The following CCNI variants were observed in gnomAD, a reference collection of about 807,000 sequenced individuals.
CCNI encodes cyclin I, also known as cyclin-I.
A neutral mutation model predicts 34.1 loss-of-function variants in CCNI; 14 were observed. The ratio of observed to expected loss-of-function variants is 0.41; its 90% CI spans 0.27 to 0.64. The LOEUF (loss-of-function observed/expected upper bound fraction) is 0.64. CCNI is among the 30% of genes least tolerant of loss of function. The pLI, the probability that CCNI is intolerant of heterozygous loss-of-function variation, is 0.31. For missense variants in CCNI, 385 were observed against 440.5 expected, an observed-to-expected ratio of 0.87 and a Z score of 1.13; for synonymous variants, 154 against 158.4, an observed-to-expected ratio of 0.97 and a Z score of 0.21.
chr4:77,072,723 T>C (rs1285756340), intron 1 of CCNI, among the ~76,000 whole-genome samples: 1 of 147,738 alleles, frequency 6.8e-6, no homozygotes, highest in Non-Finnish European at 1.5e-5. Context: ...AGGAGACAAA[T>C]GGTGTAAAGG....
chr4:77,054,454 G>GT (rs546919102), intron 6 of CCNI, among the ~76,000 whole-genome samples: 3 of 152,114 alleles, frequency 2.0e-5, no homozygotes, highest in Non-Finnish European at 4.4e-5. Flanking sequence ...TCTAAACTCG[G>GT]TAAGTTCTAT....
intron 3 of CCNI, 129 bp from the exon 4 acceptor site, chr4:77,056,452 A>G: frequency 1.5e-6 from 1 of 655,072 alleles, no homozygotes; most frequent in Non-Finnish European, 2.8e-6. Context: ...GAATTCAATT[A>G]ATGTGACTGC....
chr4:77,052,431 G>A (rs958521286), intron 6 of CCNI, among the ~76,000 whole-genome samples: 1 of 152,148 alleles, frequency 6.6e-6, no homozygotes, highest in Non-Finnish European at 1.5e-5. Flanking sequence ...GCTAAGGAGA[G>A]AAAGAGGTTT....
At chr4:77,074,872 C>G (rs1258543465) in intron 1 of CCNI, 1 of 152,172 alleles carries the variant, frequency 6.6e-6, no homozygotes, top group African/African-American at 2.4e-5. Flanking sequence ...CTAGCTCCAG[C>G]GGAGGCTCCT....
intron 6 of CCNI, among the ~76,000 whole-genome samples, chr4:77,051,319 T>G (rs955572961): frequency 6.6e-6 from 1 of 152,214 alleles, no homozygotes; most frequent in Non-Finnish European, 1.5e-5. Context: ...CCACAAATAT[T>G]CTAATGCCTT....
At chr4:77,063,418 G>A (rs1728761907) in intron 2 of CCNI, among the ~76,000 whole-genome samples, 1 of 150,844 alleles carries the variant, frequency 6.6e-6, no homozygotes, top group Non-Finnish European at 1.5e-5. Context: ...TAGAGAAGGT[G>A]CTGGGTGCGG....
chr4:77,072,613 G>T (rs996749605), intron 1 of CCNI, among the ~76,000 whole-genome samples: 5 of 145,982 alleles, frequency 3.4e-5, no homozygotes, highest in Non-Finnish European at 6.0e-5. Flanking sequence ...CTCCAGCCTG[G>T]GTAACAAAGT....
At chr4:77,053,388 A>G (rs1048914807) in intron 6 of CCNI, among the ~76,000 whole-genome samples, 3 of 152,204 alleles carry the variant, frequency 2.0e-5, no homozygotes, top group Non-Finnish European at 4.4e-5. Context: ...GGTGAATGAA[A>G]TAACTTCTCC....
intron 2 of CCNI, among the ~76,000 whole-genome samples, chr4:77,059,033 ACTTAT>A (rs1316087358): frequency 2.0e-5 from 3 of 152,254 alleles, no homozygotes; most frequent in Admixed American, 2.0e-4. Flanking sequence ...GTAGCCATTA[ACTTAT>A]CTTAGGAAAT....
chr4:77,061,413 A>G (rs1728595712), intron 2 of CCNI, among the ~76,000 whole-genome samples: 1 of 152,238 alleles, frequency 6.6e-6, no homozygotes, highest in Non-Finnish European at 1.5e-5. Context: ...CTGCTTAAAT[A>G]GGATTAGAAG....
rs187019249 is a variant in CCNI, at chr4:77,055,482, A to C, written c.460-102T>G. On this transcript the variant is annotated intron_variant, in intron 5 of 6. Coordinates refer to ENST00000237654, the MANE Select transcript of CCNI (RefSeq NM_006835.3). The stretch of plus-strand genomic sequence containing the variant: ...TCAATTTCTTTTTTTTTTTTTTTTG[A>C]GACAGAGTCTCACTCTGTTGCCCAG... The C allele has an allele frequency of 1.8e-3, 1,219 of 680,526 alleles. 4 individuals are homozygous for C. The highest frequency in any genetic ancestry group is 3.1e-3 in the Admixed American group (106 of 34,422). 42.2% of individuals were successfully genotyped at this position (680,526 alleles called of 1,614,324 possible). A position where few individuals can be genotyped will look rare whatever the true frequency, so the allele number is the denominator to read the frequency against.
At chr4:77,071,489 G>A (rs572839081) in intron 1 of CCNI, among the ~76,000 whole-genome samples, 2 of 152,234 alleles carry the variant, frequency 1.3e-5, no homozygotes, top group South Asian at 4.1e-4. Context: ...CAGAAGCAAG[G>A]AAATACTAAA....
intron 1 of CCNI, chr4:77,074,923 A>T (rs1729782882): frequency 6.6e-6 from 1 of 152,094 alleles, no homozygotes; most frequent in Admixed American, 6.5e-5. Context: ...TCTAGCCTTT[A>T]GAGCACAACT....
chr4:77,061,356 A>G (rs1013837018), intron 2 of CCNI, among the ~76,000 whole-genome samples: 1 of 152,226 alleles, frequency 6.6e-6, no homozygotes, highest in African/African-American at 2.4e-5. Context: ...GAAAAAGCCC[A>G]AAACAGTATT....
intron 2 of CCNI, among the ~76,000 whole-genome samples, chr4:77,061,620 T>C (rs909490858): frequency 2.6e-5 from 4 of 152,176 alleles, no homozygotes; most frequent in Non-Finnish European, 5.9e-5. Flanking sequence ...TTAAGTACAA[T>C]TCCCCAGCAT....
At chr4:77,067,984 T>C (rs1251052880) in intron 1 of CCNI, among the ~76,000 whole-genome samples, 1 of 151,640 alleles carries the variant, frequency 6.6e-6, no homozygotes, top group East Asian at 1.9e-4. Flanking sequence ...CAGACCAGCC[T>C]GACAAAACAT....
chr4:77,063,402 C>T (rs980169517), intron 2 of CCNI, among the ~76,000 whole-genome samples: 1 of 127,578 alleles, frequency 7.8e-6, no homozygotes, highest in Admixed American at 8.0e-5. Flanking sequence ...AGAGTTAGAA[C>T]TAGAATAGAG....
chr4:77,051,291 C>A (rs1017309927), intron 6 of CCNI, among the ~76,000 whole-genome samples: 2 of 152,094 alleles, frequency 1.3e-5, no homozygotes, highest in African/African-American at 4.8e-5. Context: ...TATTTATTGG[C>A]CTAAAAAGGT....
chr4:77,066,480 CAT>C (rs1263276339), intron 1 of CCNI, 75 bp from the exon 2 acceptor site: 7 of 1,096,498 alleles, frequency 6.4e-6, no homozygotes, highest in Non-Finnish European at 7.8e-6. Flanking sequence ...TTAAGCAACT[CAT>C]AAAACAAAAT....
Sources: gnomAD v4.1 joint callset for allele counts (sites outside exome capture counted in the v4.1 genomes callset) on GRCh38, gnomAD v4.1.1 for gene constraint, MANE v1.5 for transcripts, NCBI Gene and HGNC (gene_info 2026-07-23, HGNC 2026-07-21) for gene names.